Variants in CTNNA1 observed in about 807,000 individuals in gnomAD.
CTNNA1 encodes catenin alpha-1.
Under a neutral mutation model 98.4 loss-of-function variants are expected in CTNNA1, and 37 were observed. The observed-to-expected ratio is 0.38, with a 90% CI of 0.29 to 0.49. CTNNA1 has a LOEUF of 0.49. Ranked by LOEUF, CTNNA1 falls within the 20% of genes least tolerant of loss-of-function variation. CTNNA1 has a pLI of 0.95. For synonymous variants in CTNNA1, 404 were observed against 413.2 expected (o/e 0.98, Z 0.27); for missense variants, 761 against 1,147.2 (o/e 0.66, Z 4.86).
intron 7 of CTNNA1, among the ~76,000 whole-genome samples, chr5:138,876,588 C>A (rs1751598403): frequency 6.6e-6 from 1 of 152,200 alleles, no homozygotes. Context: ...CTATTTCTCC[C>A]ATATCATTGG....
At chr5:138,805,855 T>G (rs780976473) in intron 3 of CTNNA1, among the ~76,000 whole-genome samples, 5 of 151,982 alleles carry the variant, frequency 3.3e-5, no homozygotes, top group Non-Finnish European at 7.4e-5. Flanking sequence ...CTTTTTACTT[T>G]CTTGGTAGTG....
chr5:138,820,042 C>G (rs977820478), intron 5 of CTNNA1, among the ~76,000 whole-genome samples: 6 of 140,550 alleles, frequency 4.3e-5, no homozygotes, highest in African/African-American at 1.5e-4. Context: ...CCGCCCTGCC[C>G]CCCACCGCCA....
chr5:138,831,402 C>T (rs1761264258), intron 7 of CTNNA1, among the ~76,000 whole-genome samples: 1 of 152,194 alleles, frequency 6.6e-6, no homozygotes, highest in South Asian at 2.1e-4. Flanking sequence ...AAAAACTGCT[C>T]TGGTAGTTTA....
chr5:138,799,857 G>GATGTGTGT (rs1757372711), intron 3 of CTNNA1, among the ~76,000 whole-genome samples: 1 of 149,024 alleles, frequency 6.7e-6, no homozygotes. Context: ...AGTAGATGTA[G>GATGTGTGT]ATGTATGTAT....
intron 9 of CTNNA1, among the ~76,000 whole-genome samples, chr5:138,900,667 G>A (rs780483605): frequency 4.1e-4 from 62 of 152,128 alleles, no homozygotes; most frequent in African/African-American, 1.4e-3. Flanking sequence ...ATCATCCATC[G>A]TGGAGTAAAG....
chr5:138,862,806 C>T (rs1349423375), intron 7 of CTNNA1, among the ~76,000 whole-genome samples: 1 of 152,156 alleles, frequency 6.6e-6, no homozygotes, highest in African/African-American at 2.4e-5. Context: ...TGCACATTAA[C>T]TTAGAGAAGA....
chr5:138,799,894 G>GTATGTATGTATGTA (rs1445820943), intron 3 of CTNNA1, among the ~76,000 whole-genome samples: 1 of 38,046 alleles, frequency 2.6e-5, no homozygotes, highest in Non-Finnish European at 5.9e-5. Context: ...GTATGTATGT[G>GTATGTATGTATGTA]TGTGTGTATG....
chr5:138,776,063 T>TTTTTTTTG (rs1554076765), intron 1 of CTNNA1, among the ~76,000 whole-genome samples: 1 of 148,226 alleles, frequency 6.7e-6, no homozygotes, highest in Non-Finnish European at 1.5e-5. Context: ...TTTTTTTTTT[T>TTTTTTTTG]ATTGATCATT....
chr5:138,848,101 C>T (rs113320237), intron 7 of CTNNA1, among the ~76,000 whole-genome samples: 81 of 152,344 alleles, frequency 5.3e-4, no homozygotes, highest in African/African-American at 1.9e-3. Flanking sequence ...TTTACTAATG[C>T]ATATATGCTG....
chr5:138,878,462 ACTT>A (rs1208834991), intron 7 of CTNNA1, among the ~76,000 whole-genome samples: 3 of 152,234 alleles, frequency 2.0e-5, no homozygotes, highest in African/African-American at 7.2e-5. Context: ...TGGCAATACT[ACTT>A]CTGGAAGGTA....
At chr5:138,910,544 T>C (rs935396740) in intron 10 of CTNNA1, among the ~76,000 whole-genome samples, 4 of 152,056 alleles carry the variant, frequency 2.6e-5, no homozygotes, top group African/African-American at 9.7e-5. Flanking sequence ...CTTTAACTCA[T>C]TGCCTTGAGA....
chr5:138,782,539 CAGAG>C lies in CTNNA1; in HGVS notation c.105+522_105+525del, dbSNP rs538613821. 395 of 237,508 alleles carry C rather than the reference CAGAG, an allele frequency of 1.7e-3. 2 individuals are homozygous for C. The highest frequency in any genetic ancestry group is 8.1e-3 in the African/African-American group (350 of 42,982). The allele number at this position is 237,508 out of a possible 1,614,324, so 14.7% of individuals were successfully genotyped here. A position where few individuals can be genotyped will look rare whatever the true frequency, so the allele number is the denominator to read the frequency against. On this transcript the variant is annotated intron_variant, in intron 2 of 17. Coordinates refer to ENST00000302763, the MANE Select transcript of CTNNA1 (RefSeq NM_001903.5). ...GTCTATTGTTTGTATGTGAGAGATT[CAGAG>C]AGAGAGAGAGAAAATGAGTCTTGTT...
intron 1 of CTNNA1, among the ~76,000 whole-genome samples, chr5:138,775,424 C>T (rs1753997114): frequency 6.6e-6 from 1 of 152,156 alleles, no homozygotes; most frequent in Non-Finnish European, 1.5e-5. Flanking sequence ...AATTCATCTA[C>T]CTTCAATGAA....
At chr5:138,900,121 G>C in intron 9 of CTNNA1, among the ~76,000 whole-genome samples, 1 of 152,202 alleles carries the variant, frequency 6.6e-6, no homozygotes, top group East Asian at 1.9e-4. Flanking sequence ...CTGCATTTGG[G>C]ACTTTTACTT....
intron 3 of CTNNA1, among the ~76,000 whole-genome samples, chr5:138,799,213 T>C (rs895447701): frequency 1.1e-4 from 16 of 152,040 alleles, no homozygotes; most frequent in Non-Finnish European, 1.9e-4. Flanking sequence ...CAGGCTGGAG[T>C]GCAATGGCGT....
At position 138,924,603 on chromosome 5, in the gene CTNNA1, G is replaced by A; in HGVS notation, c.1640G>A (p.Gly547Asp). The A allele has an allele frequency of 6.2e-7, 1 of 1,614,118 alleles. No individual in the cohort carries two copies. The change falls in exon 12 of 18, where the codon GGC becomes GAC. Residue 547 changes from glycine (G) to aspartate (D), a missense_variant. Physicochemically the swap from Gly to Asp is moderately conservative, Grantham distance 94. This residue lies in a region of CTNNA1 where 287 missense variants were observed against 436.0 expected (regional missense o/e 0.66). Coordinates refer to ENST00000302763, the MANE Select transcript of CTNNA1 (RefSeq NM_001903.5). ...GLDRTAGAIR[G>D]RAARVIHVVT... Reference sequence around the variant, plus strand: ...GACCGCACAGCTGGTGCAATTCGAGGCCGGGCAGCCCGGGTCATTCACGTA... The same window carrying A: ...GACCGCACAGCTGGTGCAATTCGAGACCGGGCAGCCCGGGTCATTCACGTA...
At chr5:138,851,644 A>G (rs989522038) in intron 7 of CTNNA1, among the ~76,000 whole-genome samples, 2 of 152,100 alleles carry the variant, frequency 1.3e-5, no homozygotes, top group Admixed American at 6.6e-5. Flanking sequence ...CTGTAGTCCC[A>G]GCTACTTGGG....
chr5:138,824,164 GTACTT>G (rs1760397051), intron 5 of CTNNA1, among the ~76,000 whole-genome samples: 1 of 152,062 alleles, frequency 6.6e-6, no homozygotes, highest in Non-Finnish European at 1.5e-5. Flanking sequence ...GCTGTGCTAA[GTACTT>G]TACATACATT....
chr5:138,764,868 CTTTTTTTTTTTT>C (rs35354499), intron 1 of CTNNA1, among the ~76,000 whole-genome samples: 1 of 84,940 alleles, frequency 1.2e-5, no homozygotes, highest in South Asian at 4.7e-4. Context: ...GTATCTCTCT[CTTTTTTTTTTTT>C]TTTTTTTTTT....
Sources: allele counts gnomAD v4.1 joint callset (sites outside exome capture counted in the v4.1 genomes callset), GRCh38; gene constraint gnomAD v4.1.1; regional missense constraint gnomAD v4.1.1; transcripts MANE v1.5; gene names NCBI Gene and HGNC (gene_info 2026-07-23, HGNC 2026-07-21).